INTS4: variants seen among roughly 807,000 people sequenced by gnomAD.
INTS4 encodes the protein MSTP093.
INTS4 carries 70 observed loss-of-function variants against 119.5 expected under a neutral mutation model. That is an observed-to-expected ratio of 0.59 (90% CI 0.48 to 0.71). The LOEUF (loss-of-function observed/expected upper bound fraction) is 0.71. Ranked by LOEUF, INTS4 falls within the 30% of genes least tolerant of loss-of-function variation. INTS4 has a pLI of 0.00. For synonymous variants in INTS4, 316 were observed against 419.6 expected (o/e 0.75, Z 3.02); for missense variants, 867 against 1,173.2 (o/e 0.74, Z 3.81).
Position 77,961,156 on chromosome 11 carries a change from AAAAAG to A in INTS4, c.472-23_472-19del. The A allele has an allele frequency of 2.6e-6, 4 of 1,537,280 alleles. No individual in the cohort carries two copies. Among genetic ancestry groups the A allele is most frequent in the South Asian group, 1.3e-5 (1 of 79,656 alleles). On this transcript the variant is annotated intron_variant, in intron 4 of 22. Transcript: ENST00000534064. ...GTCAGATGCTATTAAAAAAAAAAAA[AAAAAG>A]AAAAAAAGAAAAAGAAAAAAAGGAC...
At chr11:77,933,808 G>A (rs1410885291) in intron 10 of INTS4, among the ~76,000 whole-genome samples, 8 of 151,956 alleles carry the variant, frequency 5.3e-5, no homozygotes, top group Non-Finnish European at 5.9e-5. Flanking sequence ...CGCCCCGTCC[G>A]GGAGGTGGGG....
Position 77,903,590 on chromosome 11 carries a change from C to T in INTS4, c.2047G>A (p.Ala683Thr), listed in dbSNP as rs1591036592. The T allele has an allele frequency of 6.2e-7, 1 of 1,613,728 alleles. No homozygotes were observed. Residue 683 changes from alanine (A) to threonine (T), a missense_variant, in exon 17 of 23, where the codon GCC becomes ACC. Physicochemically the swap from Ala to Thr is moderately conservative, Grantham distance 58. Coordinates refer to ENST00000534064, the MANE Select transcript of INTS4 (RefSeq NM_033547.4). Reference sequence around the variant, plus strand: ...TCACTCTGCTTCAAATACAAAGGGGCAGCTACATTCCACAACTTTTCCTGC... The same window carrying T: ...TCACTCTGCTTCAAATACAAAGGGGTAGCTACATTCCACAACTTTTCCTGC... The part of the protein sequence containing the change: ...ALQEKLWNVA[A>T]PLYLKQSDLA...
chr11:77,953,547 ACT>A lies in INTS4; in HGVS notation c.918+2393_918+2394del, dbSNP rs772694865. Among the ~76,000 whole-genome samples, 10 of 151,522 alleles carry A rather than the reference ACT, an allele frequency of 6.6e-5. No individual in the cohort carries two copies. In the East Asian group the frequency reaches 1.4e-3, roughly 21 times the overall value. On this transcript the variant is annotated intron_variant, in intron 8 of 22. Transcript: ENST00000534064. ...TATAAAATAAGGGTATTAGGCCAAC[ACT>A]CTATTACAAAACAATTTTATCCCTT...
intron 18 of INTS4, among the ~76,000 whole-genome samples, 170 bp from the exon 19 acceptor site, chr11:77,894,519 G>A (rs930965741): frequency 5.3e-5 from 8 of 152,116 alleles, no homozygotes; most frequent in Admixed American, 1.3e-4. Flanking sequence ...AACACCTGTC[G>A]GGATCCCAAG....
At chr11:77,910,881 C>A in intron 15 of INTS4, 1 of 572,554 alleles carries the variant, frequency 1.7e-6, no homozygotes. Context: ...TTGTGTATTA[C>A]CTAACCATCT....
At chr11:77,944,041 T>A (rs568721478) in intron 8 of INTS4, among the ~76,000 whole-genome samples, 1 of 152,328 alleles carries the variant, frequency 6.6e-6, no homozygotes, top group South Asian at 2.1e-4. Flanking sequence ...GTGACTGTAT[T>A]CTAAATAGTC....
intron 13 of INTS4, 32 bp from the exon 14 acceptor site, chr11:77,921,505 A>C: frequency 6.4e-7 from 1 of 1,556,474 alleles, no homozygotes; most frequent in Non-Finnish European, 8.9e-7. Context: ...TAAACTTGGA[A>C]GTATAAAAGG....
chr11:77,960,914 T>C, intron 5 of INTS4, 39 bp downstream of exon 5: 1 of 1,558,500 alleles, frequency 6.4e-7, no homozygotes, highest in South Asian at 1.2e-5. Context: ...AAAACAAAAA[T>C]GAACACTAGC....
intron 2 of INTS4, among the ~76,000 whole-genome samples, chr11:77,982,573 T>G (rs547775945): frequency 6.6e-6 from 1 of 152,096 alleles, no homozygotes; most frequent in Non-Finnish European, 1.5e-5. Context: ...TGTTTTAGCT[T>G]AGAGAGAGGG....
rs1856667584 is a variant in INTS4, at chr11:77,991,125, A to G, written c.229T>C (p.Leu77=). ...TTTCTTACCTTGTAATAATGTTCCA[A>G]GAGAATCCTGACTACTCCCTCTACG... ...ESVEGVVRIL[L]EHYYKENDPS... is the part of the protein sequence containing the mutation. The change falls in exon 2 of 23, where the codon TTG becomes CTG. Residue 77 remains leucine (L), a synonymous_variant. Coordinates refer to ENST00000534064, the MANE Select transcript of INTS4 (RefSeq NM_033547.4). The G allele has an allele frequency of 1.9e-6, 3 of 1,613,982 alleles. No individual in the cohort carries two copies. Among genetic ancestry groups the G allele is most frequent in the African/African-American group, 2.7e-5 (2 of 74,932 alleles).
At chr11:77,976,569 T>C (rs963547569) in intron 4 of INTS4, among the ~76,000 whole-genome samples, 1 of 152,140 alleles carries the variant, frequency 6.6e-6, no homozygotes, top group Admixed American at 6.5e-5. Flanking sequence ...AGCAATCCCA[T>C]TACTGGGTAT....
chr11:77,876,139 T>C (rs1951587923), downstream of INTS4, among the ~76,000 whole-genome samples: 1 of 152,084 alleles, frequency 6.6e-6, no homozygotes, highest in Non-Finnish European at 1.5e-5. Context: ...CTAAAGGACT[T>C]GATGGCTACT....
At chr11:77,920,511 A>T (rs1178111983) in intron 14 of INTS4, among the ~76,000 whole-genome samples, 3 of 151,938 alleles carry the variant, frequency 2.0e-5, no homozygotes, top group Admixed American at 2.0e-4. Flanking sequence ...TTTTATTTTT[A>T]AAAAATAAGC....
chr11:77,940,520 GCTGAAAAGGAGTC>G (rs1953905194), intron 9 of INTS4, among the ~76,000 whole-genome samples: 1 of 152,196 alleles, frequency 6.6e-6, no homozygotes, highest in Non-Finnish European at 1.5e-5. Flanking sequence ...GGTAACTGCT[GCTGAAAAGGAGTC>G]CTAAAATGTC....
At chr11:77,933,506 G>A (rs564880489) in intron 10 of INTS4, among the ~76,000 whole-genome samples, 1 of 152,184 alleles carries the variant, frequency 6.6e-6, no homozygotes. Flanking sequence ...GATTGCAGAC[G>A]GAGTCTCGCT....
At chr11:77,875,593 C>G (rs1176777578), downstream of INTS4, among the ~76,000 whole-genome samples, 4 of 152,128 alleles carry the variant, frequency 2.6e-5, no homozygotes, top group Non-Finnish European at 5.9e-5. Context: ...ATCTTCTAGG[C>G]CACTTTATTC....
intron 21 of INTS4, among the ~76,000 whole-genome samples, chr11:77,884,168 A>G (rs1269778599): frequency 6.6e-6 from 1 of 152,152 alleles, no homozygotes; most frequent in Non-Finnish European, 1.5e-5. Context: ...TTCATGGTGA[A>G]TAAGTAATAT....
intron 13 of INTS4, among the ~76,000 whole-genome samples, chr11:77,922,097 G>A (rs192500198): frequency 4.2e-3 from 630 of 151,078 alleles, no homozygotes; most frequent in Admixed American, 6.4e-3. Context: ...GTGTGGTAGC[G>A]GGCGCCTATA....
downstream of INTS4, among the ~76,000 whole-genome samples, chr11:77,875,740 TA>T (rs1241257471): frequency 6.6e-6 from 1 of 152,140 alleles, no homozygotes; most frequent in Non-Finnish European, 1.5e-5. Flanking sequence ...TCCAAGCCCA[TA>T]AGAGACACAG....
Sources: gnomAD v4.1 joint callset for allele counts (sites outside exome capture counted in the v4.1 genomes callset) on GRCh38, gnomAD v4.1.1 for gene constraint, MANE v1.5 for transcripts, NCBI Gene and HGNC (gene_info 2026-07-23, HGNC 2026-07-21) for gene names.